The following ASTE1 variants were observed in gnomAD, a reference collection of about 807,000 sequenced individuals.
ASTE1 encodes the protein single-strand DNA endonuclease ASTE1.
ASTE1 carries 49 observed loss-of-function variants against 45.8 expected under a neutral mutation model. That is an observed-to-expected ratio of 1.07 (90% CI 0.85 to 1.36). ASTE1 has a LOEUF of 1.36. Among genes scored for constraint, ASTE1 ranks in the 40% most tolerant of loss-of-function variants. The pLI is 0.00. For missense variants in ASTE1, 709 were observed against 804.0 expected (o/e 0.88, Z 1.43); for synonymous variants, 296 against 303.9 (o/e 0.97, Z 0.27).
chr3:131,017,081 C>T, intron 4 of ASTE1: 2 of 1,283,786 alleles, frequency 1.6e-6, no homozygotes, highest in South Asian at 2.5e-5. Context: ...CTTGACATGC[C>T]CCTTCTCTTG....
At position 131,024,752 on chromosome 3, in the gene ASTE1, A is replaced by G. The variant is rs1400119150; in HGVS notation, c.555T>C (p.Thr185=). 1 of 1,613,606 alleles carries G rather than the reference A, an allele frequency of 6.2e-7. No individual in the cohort carries two copies. Among genetic ancestry groups the G allele is most frequent in the African/African-American group, 1.3e-5 (1 of 74,926 alleles). ...GGATATAGTTTTGTGTGCCCTTAATAGTGTTCATATTTCTCCACTGAAAGC... is the reference window on the plus strand; with the variant it reads ...GGATATAGTTTTGTGTGCCCTTAATGGTGTTCATATTTCTCCACTGAAAGC... ...LNSFQWRNMN[T]IKGTQNYIPA... Residue 185 remains threonine (T), a synonymous_variant, in exon 3 of 6, where the codon ACT becomes ACC. Transcript: ENST00000264992.
intron 3 of ASTE1, among the ~76,000 whole-genome samples, chr3:131,019,435 A>G (rs893595500): frequency 2.0e-5 from 3 of 152,222 alleles, no homozygotes; most frequent in Non-Finnish European, 4.4e-5. Context: ...CTTTTACTTC[A>G]TGGTTTAGCG....
At chr3:131,026,015 T>C (rs2063861898) in intron 1 of ASTE1, among the ~76,000 whole-genome samples, 1 of 152,230 alleles carries the variant, frequency 6.6e-6, no homozygotes, top group Non-Finnish European at 1.5e-5. Flanking sequence ...CTACGCTTCC[T>C]CACCTGGCTA....
Position 131,025,222 on chromosome 3 carries a change from C to A in ASTE1, c.85G>T (p.Val29Phe). ...TGGAAAAGAGCATAACCATCAATGA[C>A]AATTTTTGTGTCCCGCAACTTCAAA... ...TDLKLRDTKIVIDGYALFHRL... is the reference protein window; with the variant it reads ...TDLKLRDTKIFIDGYALFHRL... The change falls in exon 3 of 6, where the codon GTC becomes TTC. Residue 29 changes from valine to phenylalanine, a missense_variant. Physicochemically the swap from Val to Phe is conservative, Grantham distance 50. Transcript: ENST00000264992. 6.2e-7 allele frequency: 1 copy of A among 1,614,202 alleles called. No individual in the cohort carries two copies. The highest frequency in any genetic ancestry group is 8.5e-7 in the Non-Finnish European group (1 of 1,180,038).
chr3:131,016,183 T>A lies in ASTE1; in HGVS notation c.1670A>T (p.Gln557Leu). The change falls in exon 5 of 6, where the codon CAG becomes CTG. Residue 557 changes from glutamine (Q) to leucine (L), a missense_variant. Coordinates refer to ENST00000264992, the MANE Select transcript of ASTE1 (RefSeq NM_014065.4). ...CTCTGGGAGAGGAGTGGACAGCAGC[T>A]GGTTGAGATACATCCCCATCTGGAG... is the stretch of plus-strand genomic sequence containing the variant. ...SCLQMGMYLN[Q>L]LLSTPLPEPD... The A allele has an allele frequency of 6.2e-7, 1 of 1,614,178 alleles. No individual in the cohort carries two copies.
At chr3:131,020,647 G>T (rs1006655300) in intron 3 of ASTE1, among the ~76,000 whole-genome samples, 3 of 152,148 alleles carry the variant, frequency 2.0e-5, no homozygotes, top group African/African-American at 4.8e-5. Context: ...AAATGAATAG[G>T]TACTATCACA....
chr3:131,019,417 A>T (rs146586482), intron 3 of ASTE1, among the ~76,000 whole-genome samples: 28 of 152,344 alleles, frequency 1.8e-4, no homozygotes, highest in African/African-American at 6.5e-4. Context: ...TTGGAGTAAC[A>T]CGCCATACTT....
rs775136354 is a variant in ASTE1, at chr3:131,024,519, A to C, written c.788T>G (p.Leu263Trp). ...TTCGGTAGGGTTGGCAAAATGAGACAACCAATTCAGAAGTCCCAGGATTCG... is the reference window on the plus strand; with the variant it reads ...TTCGGTAGGGTTGGCAAAATGAGACCACCAATTCAGAAGTCCCAGGATTCG... ...HHRILGLLNW[L>W]SHFANPTEAL... The change falls in exon 3 of 6, where the codon TTG (leucine) becomes TGG (tryptophan). Residue 263 changes from leucine to tryptophan, a missense_variant. Leu to Trp is a moderately conservative substitution (Grantham distance 61). Coordinates refer to ENST00000264992, the MANE Select transcript of ASTE1 (RefSeq NM_014065.4). 3.7e-6 allele frequency: 6 copies of C among 1,614,148 alleles called. No individual in the cohort carries two copies. The highest frequency in any genetic ancestry group is 5.1e-6 in the Non-Finnish European group (6 of 1,180,030).
chr3:131,018,833 TA>T, intron 3 of ASTE1, 117 bp from the exon 4 acceptor site: 1 of 1,012,786 alleles, frequency 9.9e-7, no homozygotes, highest in Middle Eastern at 3.2e-4. Flanking sequence ...CTGTTAAACT[TA>T]TCTTCTTGTG....
intron 5 of ASTE1, chr3:131,015,100 C>A: frequency 1.7e-6 from 1 of 576,124 alleles, no homozygotes. Flanking sequence ...GGTCAAAGGC[C>A]AATTAGTCTT....
intron 4 of ASTE1, chr3:131,016,775 C>T (rs2063648212): frequency 2.9e-6 from 1 of 340,800 alleles, no homozygotes; most frequent in South Asian, 2.4e-5. Flanking sequence ...ACATTTTGAC[C>T]TCTGTGTTTT....
chr3:131,020,588 T>G (rs1364905319), intron 3 of ASTE1, among the ~76,000 whole-genome samples: 1 of 152,198 alleles, frequency 6.6e-6, no homozygotes, highest in African/African-American at 2.4e-5. Flanking sequence ...AAGTTTTTAT[T>G]AACAACAGCT....
Position 131,025,329 on chromosome 3 carries a change from C to T in ASTE1, c.-23G>A, listed in dbSNP as rs778552608. 6.3e-6 allele frequency: 10 copies of T among 1,592,166 alleles called. No individual in the cohort carries two copies. Among genetic ancestry groups the T allele is most frequent in the Admixed American group, 1.8e-5 (1 of 57,034 alleles). Reference sequence around the variant, plus strand: ...CATGATGACAGTCTAAAGAATTAATCGCCTGTTTAAAACAACAGAAAACAT... The same window carrying T: ...CATGATGACAGTCTAAAGAATTAATTGCCTGTTTAAAACAACAGAAAACAT... On this transcript the variant is annotated splice_region_variant and 5_prime_UTR_variant, in exon 3 of 6. Coordinates refer to ENST00000264992, the MANE Select transcript of ASTE1 (RefSeq NM_014065.4).
chr3:131,018,796 A>G (rs1464679401), intron 3 of ASTE1, 80 bp from the exon 4 acceptor site: 1 of 1,364,632 alleles, frequency 7.3e-7, no homozygotes, highest in Non-Finnish European at 1.0e-6. Context: ...GCATGAAGAG[A>G]TTTAATGCTA....
At position 131,024,638 on chromosome 3, in the gene ASTE1, T is replaced by G; in HGVS notation, c.669A>C (p.Gly223=). The part of the protein sequence containing the change: ...ALLPLFAVLC[G]NDHVNLPIME... ...TGATGGGTAGATTAACATGGTCATT[T>G]CCACATAGCACCGCAAAGAGAGGTA... Residue 223 remains glycine, a synonymous_variant, in exon 3 of 6, where the codon GGA becomes GGC. Coordinates refer to ENST00000264992, the MANE Select transcript of ASTE1 (RefSeq NM_014065.4). 1 of 1,600,244 alleles carries G rather than the reference T, an allele frequency of 6.2e-7. No homozygotes were observed. Among genetic ancestry groups the G allele is most frequent in the Non-Finnish European group, 8.5e-7 (1 of 1,172,912 alleles).
rs1473702725 is a variant in ASTE1, at chr3:131,024,188, C to A, written c.1119G>T (p.Arg373Ser). The change falls in exon 3 of 6, where the codon AGG becomes AGT. Residue 373 changes from arginine (R) to serine (S), a missense_variant. Transcript: ENST00000264992. ...TTAAAAGAAGCCCATAGATGATTTG[C>A]CTGATGGGCTGAGATATTCTGTGGG... ...PNAHRISQPI[R>S]QIIYGLLLNA... 1.1e-5 allele frequency: 17 copies of A among 1,614,146 alleles called. No homozygotes were observed. Among genetic ancestry groups the A allele is most frequent in the Non-Finnish European group, 1.4e-5 (17 of 1,179,988 alleles).
chr3:131,025,453 A>G (rs2063825427), intron 2 of ASTE1, 21 bp downstream of exon 2: 1 of 1,273,504 alleles, frequency 7.9e-7, no homozygotes, highest in African/African-American at 1.5e-5. Flanking sequence ...GAACATAGAT[A>G]TCAACATCAT....
chr3:131,016,254 T>A lies in ASTE1; in HGVS notation c.1599A>T (p.Arg533Ser). The change falls in exon 5 of 6, where the codon AGA becomes AGT. Residue 533 changes from arginine to serine, a missense_variant. Physicochemically the swap from Arg to Ser is moderately radical, Grantham distance 110. Coordinates refer to ENST00000264992, the MANE Select transcript of ASTE1 (RefSeq NM_014065.4). ...RVKAQTRLGT[R>S]LDLDTAHIFC... ...AGATGTGAGCTGTGTCTAAGTCCAG[T>A]CTTGTGCCCAGCCGTGTCTGCGCCT... The A allele has an allele frequency of 6.2e-7, 1 of 1,614,152 alleles. No individual in the cohort carries two copies.
rs143571512 is a variant in ASTE1, at chr3:131,024,876, T to C, written c.431A>G (p.Asp144Gly). The change falls in exon 3 of 6, where the codon GAC becomes GGC. Residue 144 changes from aspartate to glycine, a missense_variant. Asp to Gly is a moderately conservative substitution (Grantham distance 94). Coordinates refer to ENST00000264992, the MANE Select transcript of ASTE1 (RefSeq NM_014065.4). ...FVQCFSEADR[D>G]IMTLANHWNC... ...CCAATGGTTAGCAAGTGTCATAATG[T>C]CCCGATCTGCTTCTGAAAAGCACTG... 1 of 1,614,056 alleles carries C rather than the reference T, an allele frequency of 6.2e-7. No individual in the cohort carries two copies. The highest frequency in any genetic ancestry group is 8.5e-7 in the Non-Finnish European group (1 of 1,180,044).
Sources: allele counts gnomAD v4.1 joint callset (sites outside exome capture counted in the v4.1 genomes callset), GRCh38; gene constraint gnomAD v4.1.1; transcripts MANE v1.5; gene names NCBI Gene and HGNC (gene_info 2026-07-23, HGNC 2026-07-21).